The following KHSRP variants were observed in gnomAD, a reference collection of about 807,000 sequenced individuals.
KHSRP encodes far upstream element-binding protein 2.
In KHSRP, 13 loss-of-function variants were observed where a neutral mutation model predicts 94.9. The observed-to-expected ratio is 0.14, with a 90% CI of 0.09 to 0.22. The LOEUF (loss-of-function observed/expected upper bound fraction) is 0.22, where lower values mean the gene tolerates loss of function less well. KHSRP is among the 10% of genes least tolerant of loss of function. KHSRP has a pLI of 1.00. For missense variants in KHSRP, 710 were observed against 1,010.0 expected (o/e 0.70, Z 4.03); for synonymous variants, 495 against 401.4 (o/e 1.23, Z -2.79).
At chr19:6,419,311 A>G in intron 6 of KHSRP, 51 bp from the exon 7 acceptor site, 11 of 1,502,786 alleles carry the variant, frequency 7.3e-6, no homozygotes, top group Non-Finnish European at 9.9e-6. Context: ...AGGCAGAGAA[A>G]GGCCTGCCTT....
Position 6,418,684 on chromosome 19 carries a change from C to T in KHSRP, c.780+18G>A, listed in dbSNP as rs1788737778. The stretch of plus-strand genomic sequence containing the variant: ...TGGCACACGGATGCAGAGGAAGCTG[C>T]CCAGGTGCTGCCCTCACCTGCAGCT... On this transcript the variant is annotated intron_variant, in intron 8 of 18. Coordinates refer to ENST00000600480, the MANE Select transcript of KHSRP (RefSeq NM_001366299.1). This position sits in a 1 kb window ranked among gnomAD's most constrained non-coding sequence, Gnocchi z 4.3. 1 of 1,613,830 alleles carries T rather than the reference C, an allele frequency of 6.2e-7. No individual in the cohort carries two copies. Among genetic ancestry groups the T allele is most frequent in the Non-Finnish European group, 8.5e-7 (1 of 1,179,824 alleles).
At chr19:6,422,742 C>T (rs936845173) in intron 1 of KHSRP, among the ~76,000 whole-genome samples, 1 of 152,092 alleles carries the variant, frequency 6.6e-6, no homozygotes, top group Non-Finnish European at 1.5e-5. Flanking sequence ...GGAACAGAGG[C>T]TCAGGTGTCA....
At chr19:6,416,468 C>T (rs1336719129) in intron 14 of KHSRP, 22 bp downstream of exon 14, 2 of 1,612,420 alleles carry the variant, frequency 1.2e-6, no homozygotes, top group African/African-American at 2.7e-5. Context: ...AGACCAAATC[C>T]CCAGAGCCCG....
At position 6,414,305 on chromosome 19, in the gene KHSRP, C is replaced by A; in HGVS notation, c.*719G>T. The A allele has an allele frequency of 7.2e-7, 1 of 1,390,964 alleles. No individual in the cohort carries two copies. The highest frequency in any genetic ancestry group is 9.4e-7 in the Non-Finnish European group (1 of 1,065,326). 86.2% of individuals were successfully genotyped at this position (1,390,964 alleles called of 1,614,324 possible). On this transcript the variant is annotated 3_prime_UTR_variant, in exon 19 of 19. Coordinates refer to ENST00000600480, the MANE Select transcript of KHSRP (RefSeq NM_001366299.1). ...TCTAGCCAGGTGCTCGCGGGACTCG[C>A]TGAAGTCACGCTGCTCCCTGATGGA...
At chr19:6,423,588 C>G (rs1473911929) in intron 1 of KHSRP, among the ~76,000 whole-genome samples, 1 of 152,216 alleles carries the variant, frequency 6.6e-6, no homozygotes, top group African/African-American at 2.4e-5. Flanking sequence ...ACGCTAGAAC[C>G]CACCCAACTC....
At position 6,420,474 on chromosome 19, in the gene KHSRP, G is replaced by A. The variant is rs373736124; in HGVS notation, c.426-3C>T. ...TGTACTCTTCTGTCATTGAAGTCCT[G>A]TAAAGAGACACGCCAAAGGTCAGTC... On this transcript the variant is annotated splice_region_variant and splice_polypyrimidine_tract_variant and intron_variant, in intron 4 of 18. Coordinates refer to ENST00000600480, the MANE Select transcript of KHSRP (RefSeq NM_001366299.1). 165 of 1,613,758 alleles carry A rather than the reference G, an allele frequency of 1.0e-4. No homozygotes were observed. Among genetic ancestry groups the A allele is most frequent in the Non-Finnish European group, 1.3e-4 (153 of 1,179,810 alleles).
rs911411318 is a variant in KHSRP, at chr19:6,422,199, A to T, written c.346+141T>A. 24 of 608,588 alleles carry T rather than the reference A, an allele frequency of 3.9e-5. No individual in the cohort carries two copies. In the East Asian group the frequency reaches 6.7e-4, roughly 17 times the overall value. 37.7% of individuals were successfully genotyped at this position (608,588 alleles called of 1,614,324 possible). A position where few individuals can be genotyped will look rare whatever the true frequency, so the allele number is the denominator to read the frequency against. ...TCAGGATGGCAGACGGAACAAGAAG[A>T]ATTAACAAGGCCGGGATTGCTGAGG... On this transcript the variant is annotated intron_variant, in intron 2 of 18. Coordinates refer to ENST00000600480, the MANE Select transcript of KHSRP (RefSeq NM_001366299.1).
In KHSRP at chr19:6,418,570, T is replaced by C; in HGVS notation, c.792A>G (p.Gly264=). Residue 264 remains glycine, a synonymous_variant, in exon 9 of 19, where the codon GGA becomes GGG. Coordinates refer to ENST00000600480, the MANE Select transcript of KHSRP (RefSeq NM_001366299.1). This position sits in a 1 kb window ranked among gnomAD's most constrained non-coding sequence, Gnocchi z 4.3. ...ETIKQLQERA[G]VKMILIQDGS... ...CGTCCTGAATTAAGATCATCTTCAC[T>C]CCAGCGCGTTCCTTTACAAGCAAGG... 1 of 1,613,932 alleles carries C rather than the reference T, an allele frequency of 6.2e-7. No individual in the cohort carries two copies. Among genetic ancestry groups the C allele is most frequent in the South Asian group, 1.1e-5 (1 of 91,078 alleles).
At chr19:6,417,692 G>A (rs371459937) in intron 11 of KHSRP, 47 bp downstream of exon 11, 10 of 1,532,770 alleles carry the variant, frequency 6.5e-6, no homozygotes, top group Non-Finnish European at 9.0e-6. Flanking sequence ...GCCTCCCAAA[G>A]AGGGTGGGGG....
chr19:6,422,831 T>C (rs879215343), intron 1 of KHSRP, among the ~76,000 whole-genome samples: 5 of 152,082 alleles, frequency 3.3e-5, no homozygotes. Context: ...AACCAGAAAG[T>C]GTGTTTTTTT....
intron 1 of KHSRP, 75 bp downstream of exon 1, chr19:6,424,378 G>C (rs1172371547): frequency 1.3e-6 from 1 of 767,710 alleles, no homozygotes; most frequent in Non-Finnish European, 1.6e-6. Flanking sequence ...GCGCGCGCGC[G>C]CGCACGTGAC....
At position 6,422,422 on chromosome 19, in the gene KHSRP, A is replaced by G. The variant is rs774442793; in HGVS notation, c.264T>C (p.Ile88=). Residue 88 remains isoleucine (I), a synonymous_variant, in exon 2 of 19, where the codon ATT becomes ATC. Transcript: ENST00000600480. ...VQRARQIAAK[I]GGDAATTVNN... is the part of the protein sequence containing the mutation. ...TCACTGTCGTGGCAGCATCGCCTCC[A>G]ATTTTGGCTGCAATCTAGAATAAAG... The G allele has an allele frequency of 6.2e-7, 1 of 1,613,528 alleles. No individual in the cohort carries two copies. The highest frequency in any genetic ancestry group is 1.3e-5 in the African/African-American group (1 of 74,906).
At chr19:6,422,294 G>A in intron 2 of KHSRP, 46 bp downstream of exon 2, 1 of 1,330,826 alleles carries the variant, frequency 7.5e-7, no homozygotes, top group Non-Finnish European at 1.1e-6. Context: ...ACCTCTTTAG[G>A]CCCCCAGCCC....
In KHSRP at chr19:6,416,321, C is replaced by G. The variant is rs753110881; in HGVS notation, c.1575G>C (p.Gln525His). 6.2e-6 allele frequency: 10 copies of G among 1,603,208 alleles called. No homozygotes were observed. The South Asian group carries it at 1.0e-4, about 16-fold the overall frequency. Residue 525 changes from glutamine to histidine, a missense_variant, in exon 15 of 19, where the codon CAG becomes CAC. Physicochemically the swap from Gln to His is conservative, Grantham distance 24. Around this residue, in one of 5 missense-constraint regions of KHSRP, gnomAD observed 292 missense variants for 340.5 expected, o/e 0.86. Coordinates refer to ENST00000600480, the MANE Select transcript of KHSRP (RefSeq NM_001366299.1). ...MGPFNPGPFNQGPPGAPPHAG... is the reference protein window; with the variant it reads ...MGPFNPGPFNHGPPGAPPHAG... The stretch of plus-strand genomic sequence containing the variant: ...ACTGTGGGGGAGCCCCGGGTGGCCC[C>G]TGGTTGAAGGGCCCAGGATTGAAGG...
In KHSRP at chr19:6,414,764, G is replaced by C. The variant is rs1347757717; in HGVS notation, c.*260C>G. The C allele has an allele frequency of 3.6e-6, 4 of 1,106,996 alleles. No individual in the cohort carries two copies. Among genetic ancestry groups the C allele is most frequent in the Non-Finnish European group, 4.4e-6 (4 of 908,462 alleles). 68.6% of individuals were successfully genotyped at this position (1,106,996 alleles called of 1,614,324 possible). On this transcript the variant is annotated 3_prime_UTR_variant, in exon 19 of 19. Transcript: ENST00000600480. ...GAAAAAATAGACGTTTTCTTCCCAA[G>C]TGGCCAGATTGTGAGCGAGGTGGTG... is the stretch of plus-strand genomic sequence containing the variant.
rs62107578 is a variant in KHSRP at position 6,415,700 on chromosome 19, G to A, written c.1722C>T (p.Ala574=). 0.034 allele frequency: 52,134 copies of A among 1,548,992 alleles called. 1,092 individuals are homozygous for A. Among genetic ancestry groups the A allele is most frequent in the Non-Finnish European group, 0.038 (43,924 of 1,146,790 alleles). The part of the protein sequence containing the change: ...KAAAAAADPN[A]AWAAYYSHYY... ...AGTGTGAGTAGTAGGCGGCCCACGC[G>A]GCGTTGGGGTCCGCGGCCGCTGCAG... Residue 574 remains alanine, a synonymous_variant, in exon 17 of 19, where the codon GCC becomes GCT. Transcript: ENST00000600480.
At chr19:6,421,606 A>G in intron 3 of KHSRP, 44 bp downstream of exon 3, 3 of 1,607,980 alleles carry the variant, frequency 1.9e-6, no homozygotes, top group Non-Finnish European at 2.6e-6. Flanking sequence ...GAAAACCTCA[A>G]CCCTCTGAAG....
In KHSRP at chr19:6,413,349, A is replaced by G; in HGVS notation, c.*1675T>C. 1 of 372,388 alleles carries G rather than the reference A, an allele frequency of 2.7e-6. No individual in the cohort carries two copies. The highest frequency in any genetic ancestry group is 5.3e-6 in the Non-Finnish European group (1 of 187,386). The allele number at this position is 372,388 out of a possible 1,614,324, so 23.1% of individuals were successfully genotyped here. The stretch of plus-strand genomic sequence containing the variant: ...AGACAGACAGCACCCGCAGACGGGG[A>G]GGTTTTGTTATCATTTATTTGTGAA... On this transcript the variant is annotated 3_prime_UTR_variant, in exon 19 of 19. Transcript: ENST00000600480.
intron 7 of KHSRP, 134 bp from the exon 8 acceptor site, chr19:6,419,010 G>C: frequency 8.8e-7 from 1 of 1,137,760 alleles, no homozygotes; most frequent in South Asian, 1.6e-5. Context: ...CCAGTCACAG[G>C]GGCTGTTCAG....
Sources: allele counts gnomAD v4.1 joint callset (sites outside exome capture counted in the v4.1 genomes callset), GRCh38; gene constraint gnomAD v4.1.1; regional missense constraint gnomAD v4.1.1; non-coding constraint Gnocchi (gnomAD v3.1); transcripts MANE v1.5; gene names NCBI Gene and HGNC (gene_info 2026-07-23, HGNC 2026-07-21).